The following MAGEA8 variants were observed in gnomAD, a reference collection of about 807,000 sequenced individuals.
The protein encoded by MAGEA8 is melanoma-associated antigen 8.
For missense variants in MAGEA8, 229 were observed against 251.1 expected, an observed-to-expected ratio of 0.91 and a Z score of 0.59; for synonymous variants, 104 against 102.6, an observed-to-expected ratio of 1.01 and a Z score of -0.08.
Position 149,885,799 on chromosome X carries a change from G to A in MAGEA8, c.*570G>A, listed in dbSNP as rs1215241653. 1 of 125,686 alleles carries A rather than the reference G, an allele frequency of 8.0e-6. No individual in the cohort carries two copies. The highest frequency in any genetic ancestry group is 1.8e-5 in the Non-Finnish European group (1 of 54,924). 10.4% of individuals were successfully genotyped at this position (125,686 alleles called of 1,213,427 possible). ...GAATTTGCTTGGCTTCTTTGAGAATGAAATTGAATTAAATATGAATAAATA... is the reference window on the plus strand; with the variant it reads ...GAATTTGCTTGGCTTCTTTGAGAATAAAATTGAATTAAATATGAATAAATA... On this transcript the variant is annotated 3_prime_UTR_variant, in exon 3 of 3. Transcript: ENST00000286482.
At chrX:149,881,936 A>G (rs901310353) in intron 1 of MAGEA8, among the ~76,000 whole-genome samples, 5 of 110,180 alleles carry the variant, frequency 4.5e-5, no homozygotes, top group African/African-American at 1.7e-4. Context: ...GAAGAAGAAG[A>G]GGGAGGACTC....
Position 149,885,345 on chromosome X carries a change from T to G in MAGEA8, c.*116T>G, listed in dbSNP as rs1179288259. The stretch of plus-strand genomic sequence containing the variant: ...CTGTTACATGAGGCCCATTCTTCAC[T>G]CTGTGTTTGAAGAGAGCAGTCACAG... On this transcript the variant is annotated 3_prime_UTR_variant, in exon 3 of 3. Transcript: ENST00000286482. The G allele has an allele frequency of 8.7e-6, 5 of 573,473 alleles. No individual in the cohort carries two copies. The highest frequency in any genetic ancestry group is 2.2e-5 in the African/African-American group (1 of 44,457). 47.3% of individuals were successfully genotyped at this position (573,473 alleles called of 1,213,427 possible).
intron 1 of MAGEA8, among the ~76,000 whole-genome samples, chrX:149,882,603 G>A (rs1476919582): frequency 2.7e-5 from 3 of 111,146 alleles, no homozygotes; most frequent in African/African-American, 9.8e-5. Context: ...ACCCCACAAA[G>A]TCTGGCTAAC....
chrX:149,881,591 A>AGGCATGGCGGCCAGGCATGGCGGCCG (rs2090728085), intron 1 of MAGEA8, among the ~76,000 whole-genome samples: 2 of 73,282 alleles, frequency 2.7e-5, no homozygotes, highest in Non-Finnish European at 5.5e-5. Flanking sequence ...GGGAAGCCCT[A>AGGCATGGCGGCCAGGCATGGCGGCCG]GGCATGGCGG....
Position 149,884,076 on chromosome X carries a change from C to T in MAGEA8, c.-122C>T, listed in dbSNP as rs985856173. The T allele has an allele frequency of 1.2e-5, 5 of 400,317 alleles. No individual in the cohort carries two copies. The highest frequency in any genetic ancestry group is 6.4e-4 in the Middle Eastern group (1 of 1,570). The allele number at this position is 400,317 out of a possible 1,213,427, so 33.0% of individuals were successfully genotyped here. A position where few individuals can be genotyped will look rare whatever the true frequency, so the allele number is the denominator to read the frequency against. ...GCCCTCTCAATTTCTCCTTCAGGTT[C>T]GCAGAGAACAGGCCAGCCAGGAGGT... On this transcript the variant is annotated 5_prime_UTR_variant, in exon 2 of 3. Transcript: ENST00000286482.
chrX:149,883,267 G>A (rs2090741560), intron 1 of MAGEA8: 1 of 108,554 alleles, frequency 9.2e-6, no homozygotes, highest in Admixed American at 9.7e-5. Flanking sequence ...AGGAGTCAGG[G>A]ACTCAGAGGA....
chrX:149,883,143 G>C (rs142296692), intron 1 of MAGEA8: 1,462 of 112,257 alleles, frequency 0.013, 8 homozygotes, highest in South Asian at 0.028. Context: ...GCATGAGCAG[G>C]ACTATCAGCT....
In MAGEA8 at chrX:149,884,533, C is replaced by T. The variant is rs1443127087; in HGVS notation, c.261C>T (p.Ser87=). 1 of 1,209,945 alleles carries T rather than the reference C, an allele frequency of 8.3e-7. No individual in the cohort carries two copies. The highest frequency in any genetic ancestry group is 1.1e-6 in the Non-Finnish European group (1 of 895,048). ...STLWSQSDEG[S]SSNEEEGPST... ...TGTGGAGCCAATCCGATGAGGGTTC[C>T]AGCAGCAATGAAGAGGAGGGGCCAA... Residue 87 remains serine, a synonymous_variant, in exon 3 of 3, where the codon TCC becomes TCT. Coordinates refer to ENST00000286482, the MANE Select transcript of MAGEA8 (RefSeq NM_005364.5).
Position 149,885,036 on chromosome X carries a change from A to G in MAGEA8, c.764A>G (p.Gln255Arg). The G allele has an allele frequency of 7.4e-6, 9 of 1,209,990 alleles. No homozygotes were observed. Among genetic ancestry groups the G allele is most frequent in the African/African-American group, 1.7e-5 (1 of 57,901 alleles). Reference sequence around the variant, plus strand: ...AAGCTGCTCACCCAAGAGTGGGTGCAGGAGAACTACCTGGAGTACCGCCAG... The same window carrying G: ...AAGCTGCTCACCCAAGAGTGGGTGCGGGAGAACTACCTGGAGTACCGCCAG... Reference protein sequence around the residue: ...LRKLLTQEWVQENYLEYRQAP... With the variant: ...LRKLLTQEWVRENYLEYRQAP... Residue 255 changes from glutamine (Q) to arginine (R), a missense_variant, in exon 3 of 3, where the codon CAG becomes CGG. By Grantham distance (43) the Gln-to-Arg change is conservative. Coordinates refer to ENST00000286482, the MANE Select transcript of MAGEA8 (RefSeq NM_005364.5).
intron 1 of MAGEA8, among the ~76,000 whole-genome samples, chrX:149,882,252 C>T (rs938041688): frequency 1.8e-5 from 2 of 111,137 alleles, no homozygotes; most frequent in Non-Finnish European, 1.9e-5. Flanking sequence ...AGATGGTGGC[C>T]TTGGCATGCA....
intron 1 of MAGEA8, chrX:149,883,335 G>T (rs906173130): frequency 9.0e-6 from 1 of 111,172 alleles, no homozygotes; most frequent in Non-Finnish European, 1.9e-5. Context: ...TCAGCCATGG[G>T]AAGTGCAGGG....
At position 149,882,382 on chromosome X, in the gene MAGEA8, G is replaced by A. The variant is rs781941859; in HGVS notation, c.-126+1097G>A. Among the ~76,000 whole-genome samples, 3 of 111,772 alleles carry A rather than the reference G, an allele frequency of 2.7e-5. No homozygotes were observed. The East Asian group carries it at 8.5e-4, about 32-fold the overall frequency. ...ATGAAACCTACTACTTCTGTCAGCC[G>A]TGGGAATCCCATGCAGGGTTGTCCA... On this transcript the variant is annotated intron_variant, in intron 1 of 2. Coordinates refer to ENST00000286482, the MANE Select transcript of MAGEA8 (RefSeq NM_005364.5).
At position 149,884,989 on chromosome X, in the gene MAGEA8, C is replaced by T. The variant is rs2090753935; in HGVS notation, c.717C>T (p.His239=). 8.3e-7 allele frequency: 1 copy of T among 1,206,793 alleles called. No homozygotes were observed. The highest frequency in any genetic ancestry group is 1.8e-5 in the African/African-American group (1 of 57,055). Residue 239 remains histidine (H), a synonymous_variant, in exon 3 of 3, where the codon CAC becomes CAT. Coordinates refer to ENST00000286482, the MANE Select transcript of MAGEA8 (RefSeq NM_005364.5). ...SVMGLYDGRE[H]SVYWKLRKLL... ...TGGGGCTGTATGATGGGAGGGAGCA[C>T]AGTGTCTATTGGAAGCTCAGGAAGC...
In MAGEA8 at chrX:149,884,085, C is replaced by T; in HGVS notation, c.-113C>T. The T allele has an allele frequency of 1.2e-5, 5 of 417,543 alleles. No homozygotes were observed. The highest frequency in any genetic ancestry group is 1.7e-5 in the Non-Finnish European group (4 of 239,945). The allele number at this position is 417,543 out of a possible 1,213,427, so 34.4% of individuals were successfully genotyped here. ...ATTTCTCCTTCAGGTTCGCAGAGAA[C>T]AGGCCAGCCAGGAGGTCAGGAGGCC... On this transcript the variant is annotated 5_prime_UTR_variant, in exon 2 of 3. Transcript: ENST00000286482.
At position 149,884,945 on chromosome X, in the gene MAGEA8, T is replaced by C; in HGVS notation, c.673T>C (p.Trp225Arg). Residue 225 changes from tryptophan (W) to arginine (R), a missense_variant, in exon 3 of 3, where the codon TGG becomes CGG. By Grantham distance (101) the Trp-to-Arg change is moderately radical. Coordinates refer to ENST00000286482, the MANE Select transcript of MAGEA8 (RefSeq NM_005364.5). ...EGSRAPEEAIWEALSVMGLYD... is the reference protein window; with the variant it reads ...EGSRAPEEAIREALSVMGLYD... Reference sequence around the variant, plus strand: ...CAGCCGCGCCCCGGAGGAGGCAATCTGGGAAGCGTTGAGTGTGATGGGGCT... The same window carrying C: ...CAGCCGCGCCCCGGAGGAGGCAATCCGGGAAGCGTTGAGTGTGATGGGGCT... 8.3e-7 allele frequency: 1 copy of C among 1,210,671 alleles called. No individual in the cohort carries two copies. Among genetic ancestry groups the C allele is most frequent in the Non-Finnish European group, 1.1e-6 (1 of 895,000 alleles).
In MAGEA8 at chrX:149,884,634, G is replaced by A. The variant is rs35744768; in HGVS notation, c.362G>A (p.Arg121His). Residue 121 changes from arginine to histidine, a missense_variant, in exon 3 of 3, where the codon CGT (arginine) becomes CAT (histidine). Coordinates refer to ENST00000286482, the MANE Select transcript of MAGEA8 (RefSeq NM_005364.5). ...GATGAGAAAGTGGCTGAGTTAGTTC[G>A]TTTCCTGCTCCGCAAATATCAAATT... ...ALDEKVAELVRFLLRKYQIKE... is the reference protein window; with the variant it reads ...ALDEKVAELVHFLLRKYQIKE... The A allele has an allele frequency of 1.1e-3, 1,335 of 1,209,607 alleles. 4 individuals are homozygous for A. In the African/African-American group the frequency reaches 0.018, roughly 16 times the overall value.
intron 2 of MAGEA8, 24 bp from the exon 3 acceptor site, chrX:149,884,186 C>T: frequency 1.3e-6 from 1 of 745,240 alleles, no homozygotes; most frequent in Non-Finnish European, 2.0e-6. Flanking sequence ...GCTGAGGCCT[C>T]TCACACGCTT....
rs782690283 is a variant in MAGEA8, at chrX:149,884,508, T to C, written c.236T>C (p.Leu79Pro). ...TCCCTGACTGTCACCGACAGCACTC[T>C]GTGGAGCCAATCCGATGAGGGTTCC... is the stretch of plus-strand genomic sequence containing the variant. ...SSSLTVTDSTLWSQSDEGSSS... is the reference protein window; with the variant it reads ...SSSLTVTDSTPWSQSDEGSSS... Residue 79 changes from leucine to proline, a missense_variant, in exon 3 of 3, where the codon CTG becomes CCG. Transcript: ENST00000286482. 5 of 1,211,503 alleles carry C rather than the reference T, an allele frequency of 4.1e-6. No homozygotes were observed. The highest frequency in any genetic ancestry group is 4.3e-5 in the Admixed American group (2 of 46,060).
intron 1 of MAGEA8, among the ~76,000 whole-genome samples, chrX:149,882,848 C>G (rs2124092758): frequency 9.0e-6 from 1 of 111,104 alleles, no homozygotes; most frequent in African/African-American, 3.3e-5. Flanking sequence ...AGGGACAGAT[C>G]CTAGTGTCAC....
Sources: gnomAD v4.1 joint callset for allele counts (sites outside exome capture counted in the v4.1 genomes callset) on GRCh38, gnomAD v4.1.1 for gene constraint, MANE v1.5 for transcripts, NCBI Gene and HGNC (gene_info 2026-07-23, HGNC 2026-07-21) for gene names.